The following IL1RAPL1 variants were observed in gnomAD, a reference collection of about 807,000 sequenced individuals.
The protein encoded by IL1RAPL1 is interleukin-1 receptor accessory protein-like 1.
A neutral mutation model predicts 48.4 loss-of-function variants in IL1RAPL1; 3 were observed. That is an observed-to-expected ratio of 0.06 (90% confidence interval 0.03 to 0.16). The LOEUF is 0.16. Ranked by LOEUF, IL1RAPL1 falls within the 10% of genes least tolerant of loss-of-function variation. The pLI, the probability that IL1RAPL1 is intolerant of heterozygous loss-of-function variation, is 1.00. For missense variants in IL1RAPL1, 349 were observed against 530.6 expected, an observed-to-expected ratio of 0.66 and a Z score of 3.36; for synonymous variants, 185 against 187.7, an observed-to-expected ratio of 0.99 and a Z score of 0.12.
At chrX:28,672,301 G>C (rs1034041621) in intron 1 of IL1RAPL1, among the ~76,000 whole-genome samples, 4 of 111,751 alleles carry the variant, frequency 3.6e-5, no homozygotes, top group African/African-American at 1.3e-4. Flanking sequence ...TACCCTGAGA[G>C]ATGTAACTTT....
At chrX:29,030,811 A>C (rs1227255425) in intron 2 of IL1RAPL1, among the ~76,000 whole-genome samples, 1 of 111,622 alleles carries the variant, frequency 9.0e-6, no homozygotes, top group Non-Finnish European at 1.9e-5. Context: ...GTTAATGAGA[A>C]GGCCAAAGAT....
chrX:29,895,575 G>A (rs1932368156), intron 6 of IL1RAPL1, among the ~76,000 whole-genome samples: 1 of 112,657 alleles, frequency 8.9e-6, no homozygotes, highest in Non-Finnish European at 1.9e-5. Flanking sequence ...TATTGTATAC[G>A]AATTGGGCTG....
chrX:28,746,309 C>A (rs958433954), intron 1 of IL1RAPL1, among the ~76,000 whole-genome samples: 1 of 111,603 alleles, frequency 9.0e-6, no homozygotes, highest in African/African-American at 3.3e-5. Context: ...TAAAGAATTA[C>A]TCTGAGGACA....
At chrX:29,471,176 G>T (rs1934916802) in intron 5 of IL1RAPL1, among the ~76,000 whole-genome samples, 1 of 110,859 alleles carries the variant, frequency 9.0e-6, no homozygotes, top group Non-Finnish European at 1.9e-5. Context: ...AGGAGGGGGT[G>T]GGGGAACTTC....
chrX:29,788,241 T>C (rs1336749489), intron 6 of IL1RAPL1, among the ~76,000 whole-genome samples: 1 of 111,964 alleles, frequency 8.9e-6, no homozygotes, highest in African/African-American at 3.2e-5. Context: ...AGGCACTCTT[T>C]TAGGGACGTG....
At chrX:29,906,460 A>AATTAT (rs1932622877) in intron 6 of IL1RAPL1, among the ~76,000 whole-genome samples, 1 of 29,871 alleles carries the variant, frequency 3.3e-5, no homozygotes, top group Non-Finnish European at 6.1e-5. Flanking sequence ...TAACTTTGTA[A>AATTAT]ATATATATAT....
At chrX:29,514,543 GGTTCA>G (rs1367073765) in intron 5 of IL1RAPL1, among the ~76,000 whole-genome samples, 2 of 112,376 alleles carry the variant, frequency 1.8e-5, no homozygotes, top group East Asian at 5.6e-4. Flanking sequence ...CTGCCTCCTG[GGTTCA>G]AGCAATTTTC....
chrX:29,769,224 A>G (rs928476564), intron 6 of IL1RAPL1, among the ~76,000 whole-genome samples: 1 of 110,810 alleles, frequency 9.0e-6, no homozygotes, highest in African/African-American at 3.3e-5. Flanking sequence ...TTATTACTGT[A>G]TAATATTCCA....
chrX:29,790,695 TATTAGTTTTATCTCAAA>T (rs777731434), intron 6 of IL1RAPL1, among the ~76,000 whole-genome samples: 1 of 111,940 alleles, frequency 8.9e-6, no homozygotes, highest in Admixed American at 9.5e-5. Flanking sequence ...CATCAATTCC[TATTAGTTTTATCTCAAA>T]ATTGACCCTG....
intron 1 of IL1RAPL1, among the ~76,000 whole-genome samples, chrX:28,623,866 A>G (rs1934310434): frequency 9.0e-6 from 1 of 111,473 alleles, no homozygotes; most frequent in Non-Finnish European, 1.9e-5. Context: ...ACAGAAAAAA[A>G]AAACTCTTTG....
rs777963523 is a variant in IL1RAPL1 at position 29,228,332 on chromosome X, A to AATGTGTGTGTGTGTGTGTGTGT, written c.83-54606_83-54605insATGTGTGTGTGTGTGTGTGTGT. 9.3e-4 allele frequency among the ~76,000 whole-genome samples: 74 copies of AATGTGTGTGTGTGTGTGTGTGT among 79,559 alleles called. 3 individuals carry two copies. The highest frequency in any genetic ancestry group is 1.5e-3 in the Non-Finnish European group (63 of 41,503). 69.1% of individuals were successfully genotyped at this position (79,559 alleles called of 115,157 possible). ...TAAACACTGTAGTTTAGTTTTGCCT[A>AATGTGTGTGTGTGTGTGTGTGT]GTGTGTGTGTGTGTGTGTGTGTGTG... On this transcript the variant is annotated intron_variant, in intron 2 of 10. Transcript: ENST00000378993.
chrX:29,872,021 C>T (rs1319859841), intron 6 of IL1RAPL1, among the ~76,000 whole-genome samples: 1 of 111,579 alleles, frequency 9.0e-6, no homozygotes, highest in Non-Finnish European at 1.9e-5. Context: ...GTGCCCGGCC[C>T]AATCTAGACC....
intron 2 of IL1RAPL1, among the ~76,000 whole-genome samples, chrX:28,889,502 A>T (rs1922722814): frequency 8.9e-6 from 1 of 111,847 alleles, no homozygotes; most frequent in Non-Finnish European, 1.9e-5. Context: ...TTCCACGTGA[A>T]TTCGAATGGC....
intron 5 of IL1RAPL1, among the ~76,000 whole-genome samples, chrX:29,509,345 C>G (rs956111829): frequency 8.9e-6 from 1 of 111,923 alleles, no homozygotes; most frequent in East Asian, 2.8e-4. Context: ...TGATTATGGA[C>G]TTTAATCTGG....
chrX:28,663,263 A>G (rs1320717895), intron 1 of IL1RAPL1, among the ~76,000 whole-genome samples: 1 of 111,855 alleles, frequency 8.9e-6, no homozygotes, highest in East Asian at 2.8e-4. Flanking sequence ...TGACCTGAAC[A>G]TGCAGCCAGT....
At chrX:29,802,847 ATG>A (rs757407276) in intron 6 of IL1RAPL1, among the ~76,000 whole-genome samples, 8 of 89,855 alleles carry the variant, frequency 8.9e-5, no homozygotes, top group African/African-American at 3.1e-4. Flanking sequence ...GTATACATAT[ATG>A]TGTATATACG....
chrX:29,479,372 G>A (rs1205855994), intron 5 of IL1RAPL1, among the ~76,000 whole-genome samples: 2 of 95,162 alleles, frequency 2.1e-5, no homozygotes, highest in East Asian at 7.3e-4. Flanking sequence ...TCATGGTTGC[G>A]TCACTGCACT....
chrX:29,131,873 GCTA>G (rs1202967178), intron 2 of IL1RAPL1, among the ~76,000 whole-genome samples: 5 of 111,103 alleles, frequency 4.5e-5, no homozygotes, highest in African/African-American at 1.6e-4. Flanking sequence ...CGTGCCCCAG[GCTA>G]CTTTTACTGA....
intron 6 of IL1RAPL1, among the ~76,000 whole-genome samples, chrX:29,906,498 T>TTTC (rs1183003339): frequency 1.2e-4 from 6 of 50,797 alleles, no homozygotes; most frequent in Admixed American, 2.2e-4. Flanking sequence ...TATATATATA[T>TTTC]ATATATATAT....
Sources: allele counts gnomAD v4.1 joint callset (sites outside exome capture counted in the v4.1 genomes callset), GRCh38; gene constraint gnomAD v4.1.1; transcripts MANE v1.5; gene names NCBI Gene and HGNC (gene_info 2026-07-23, HGNC 2026-07-21).